Variants in MECOM observed in about 807,000 individuals in gnomAD.
The protein encoded by MECOM is MDS1 and EVI1 complex locus.
Under a neutral mutation model 116.3 loss-of-function variants are expected in MECOM, and 13 were observed. The observed-to-expected ratio is 0.11, with a 90% CI of 0.07 to 0.18. The LOEUF (loss-of-function observed/expected upper bound fraction) is 0.18. Ranked by LOEUF, MECOM falls within the 10% of genes least tolerant of loss-of-function variation. The pLI is 1.00. For missense variants in MECOM, 1,299 were observed against 1,509.0 expected (o/e 0.86, Z 2.31); for synonymous variants, 528 against 535.2 (o/e 0.99, Z 0.19).
chr3:169,280,515 C>T (rs550653753), intron 2 of MECOM, among the ~76,000 whole-genome samples: 1 of 152,040 alleles, frequency 6.6e-6, no homozygotes, highest in South Asian at 2.1e-4. Context: ...AAATGAAATT[C>T]CATGGAAGCA....
At chr3:169,381,631 A>G (rs1294273771) in intron 1 of MECOM, 107 bp from the exon 2 acceptor site, 61 of 832,644 alleles carry the variant, frequency 7.3e-5, no homozygotes, top group Non-Finnish European at 1.1e-4. Context: ...AACAGGAAAG[A>G]CCATTGTTAC....
intron 1 of MECOM, among the ~76,000 whole-genome samples, chr3:169,539,084 A>G (rs1184080508): frequency 6.6e-6 from 1 of 151,894 alleles, no homozygotes; most frequent in African/African-American, 2.4e-5. Flanking sequence ...TTATTCTTCT[A>G]TATACATATG....
At chr3:169,165,521 G>C (rs1000183594) in intron 2 of MECOM, among the ~76,000 whole-genome samples, 1 of 152,152 alleles carries the variant, frequency 6.6e-6, no homozygotes, top group South Asian at 2.1e-4. Context: ...CTAAAGATCT[G>C]CTGTTACACA....
At chr3:169,262,998 C>T (rs1316156931) in intron 2 of MECOM, among the ~76,000 whole-genome samples, 1 of 140,826 alleles carries the variant, frequency 7.1e-6, no homozygotes, top group Non-Finnish European at 1.5e-5. Context: ...TTCTTTGATC[C>T]AAAACAAGAA....
intron 2 of MECOM, among the ~76,000 whole-genome samples, chr3:169,332,486 G>A (rs1479102756): frequency 6.6e-6 from 1 of 152,144 alleles, no homozygotes; most frequent in Non-Finnish European, 1.5e-5. Flanking sequence ...AAAAAAATGT[G>A]TTATTAGTGC....
rs1758161301 is a variant in MECOM at position 169,528,023 on chromosome 3, G to A, written c.37+135313C>T. Reference sequence around the variant, plus strand: ...CAAATGGTTTCCCTGACACTCTGGGGGTGAACGTGCCATGATTTGCTGACT... The same window carrying A: ...CAAATGGTTTCCCTGACACTCTGGGAGTGAACGTGCCATGATTTGCTGACT... On this transcript the variant is annotated intron_variant, in intron 1 of 16. Transcript: ENST00000651503. Among the ~76,000 whole-genome samples, 4 of 152,124 alleles carry A rather than the reference G, an allele frequency of 2.6e-5. No homozygotes were observed. In the South Asian group the frequency reaches 8.3e-4, roughly 32 times the overall value.
intron 1 of MECOM, among the ~76,000 whole-genome samples, chr3:169,638,470 C>T (rs879714789): frequency 6.6e-5 from 10 of 152,170 alleles, no homozygotes; most frequent in Non-Finnish European, 1.5e-4. Context: ...ACCTCACATC[C>T]CACCTGACCC....
At chr3:169,477,105 GTATATATATATATATA>G (rs1166256593) in intron 1 of MECOM, 2 of 59,560 alleles carry the variant, frequency 3.4e-5, no homozygotes, top group Non-Finnish European at 5.9e-5. Flanking sequence ...GTGTGTGTGT[GTATATATATATATATA>G]TATATATATA....
intron 2 of MECOM, among the ~76,000 whole-genome samples, chr3:169,318,280 T>C (rs1383870122): frequency 6.6e-6 from 1 of 152,010 alleles, no homozygotes; most frequent in East Asian, 1.9e-4. Context: ...TAGGATCTAA[T>C]TAAACTAAAG....
intron 2 of MECOM, among the ~76,000 whole-genome samples, chr3:169,365,306 A>T (rs973286756): frequency 2.6e-5 from 4 of 152,206 alleles, no homozygotes; most frequent in Admixed American, 2.6e-4. Context: ...TGATTTTAAC[A>T]GTTCATATGA....
chr3:169,219,100 G>C (rs922059753), intron 2 of MECOM, among the ~76,000 whole-genome samples: 1 of 152,112 alleles, frequency 6.6e-6, no homozygotes, highest in African/African-American at 2.4e-5. Context: ...AGCAAACATC[G>C]AAGTATCACA....
At chr3:169,450,219 C>T (rs1050905531) in intron 1 of MECOM, among the ~76,000 whole-genome samples, 8 of 152,132 alleles carry the variant, frequency 5.3e-5, no homozygotes, top group South Asian at 2.1e-4. Flanking sequence ...AAGACACTAA[C>T]GTAAACCTAT....
chr3:169,429,901 C>T (rs575254688), intron 1 of MECOM, among the ~76,000 whole-genome samples: 14 of 152,318 alleles, frequency 9.2e-5, no homozygotes, highest in African/African-American at 2.9e-4. Context: ...ATCAGGTAGT[C>T]TCTGTGTTGC....
rs757397265 is a variant in MECOM at position 169,115,599 on chromosome 3, G to A, written c.2273C>T (p.Pro758Leu). 69 of 1,614,014 alleles carry A rather than the reference G, an allele frequency of 4.3e-5. 1 individual carries two copies. In the South Asian group the frequency reaches 5.5e-4, roughly 13 times the overall value. The change falls in exon 8 of 17, where the codon CCC (proline) becomes CTC (leucine). Residue 758 changes from proline (P) to leucine (L), a missense_variant. Pro to Leu is a moderately conservative substitution (Grantham distance 98). Coordinates refer to ENST00000651503, the MANE Select transcript of MECOM (RefSeq NM_004991.4). ...GGCAGGTGTCACTGGAGGCTTGGAGGGGACTGGAGTCAAGGGCTTCTCATC... is the reference window on the plus strand; with the variant it reads ...GGCAGGTGTCACTGGAGGCTTGGAGAGGACTGGAGTCAAGGGCTTCTCATC... ...RKDEKPLTPV[P>L]SKPPVTPATS...
At position 169,254,102 on chromosome 3, in the gene MECOM, G is replaced by A. The variant is rs534129074; in HGVS notation, c.376-110270C>T. ...CTTCTGAGTTCCCATGGGCACCAGGGTACATTCTGTTATAAGACTTAGCAT... is the reference window on the plus strand; with the variant it reads ...CTTCTGAGTTCCCATGGGCACCAGGATACATTCTGTTATAAGACTTAGCAT... On this transcript the variant is annotated intron_variant, in intron 2 of 16. Coordinates refer to ENST00000651503, the MANE Select transcript of MECOM (RefSeq NM_004991.4). 6.6e-5 allele frequency among the ~76,000 whole-genome samples: 10 copies of A among 152,182 alleles called. No individual in the cohort carries two copies. In the South Asian group the frequency reaches 2.1e-3, roughly 32 times the overall value.
chr3:169,558,976 G>C (rs1762337213), intron 1 of MECOM, among the ~76,000 whole-genome samples: 1 of 151,840 alleles, frequency 6.6e-6, no homozygotes, highest in African/African-American at 2.4e-5. Flanking sequence ...AATGTATAAA[G>C]TTACTGATAT....
intron 7 of MECOM, among the ~76,000 whole-genome samples, chr3:169,117,555 A>G (rs1729571318): frequency 1.3e-5 from 2 of 151,938 alleles, no homozygotes; most frequent in South Asian, 4.2e-4. Context: ...CTTGGGAAAC[A>G]TGTCCACTTG....
chr3:169,162,094 A>G (rs1329903603), intron 2 of MECOM, among the ~76,000 whole-genome samples: 1 of 152,188 alleles, frequency 6.6e-6, no homozygotes, highest in Non-Finnish European at 1.5e-5. Flanking sequence ...TGGGGCAGCA[A>G]TAGATACCAA....
At chr3:169,090,379 A>G in intron 14 of MECOM, 143 bp from the exon 15 acceptor site, 1 of 684,564 alleles carries the variant, frequency 1.5e-6, no homozygotes, top group South Asian at 2.1e-5. Flanking sequence ...GCTCTACGTC[A>G]ACCATGAAAA....
Sources: allele counts gnomAD v4.1 joint callset (sites outside exome capture counted in the v4.1 genomes callset), GRCh38; gene constraint gnomAD v4.1.1; transcripts MANE v1.5; gene names NCBI Gene and HGNC (gene_info 2026-07-23, HGNC 2026-07-21).